NXPH2: variants seen among roughly 807,000 people sequenced by gnomAD.
The protein encoded by NXPH2 is neurexophilin 2.
Under a neutral mutation model 19.8 loss-of-function variants are expected in NXPH2, and 5 were observed. That is an observed-to-expected ratio of 0.25 (90% confidence interval 0.13 to 0.53). The LOEUF (loss-of-function observed/expected upper bound fraction) is 0.53. NXPH2 is among the 20% of genes least tolerant of loss of function. The pLI is 0.96. For missense variants in NXPH2, 289 were observed against 322.8 expected, an observed-to-expected ratio of 0.90 and a Z score of 0.80; for synonymous variants, 154 against 127.4, an observed-to-expected ratio of 1.21 and a Z score of -1.41.
chr2:138,757,104 A>G (rs1053914424), intron 1 of NXPH2, among the ~76,000 whole-genome samples: 1 of 152,350 alleles, frequency 6.6e-6, no homozygotes, highest in South Asian at 2.1e-4. Context: ...TAAGAATTGT[A>G]TTGAACACTT....
intron 1 of NXPH2, among the ~76,000 whole-genome samples, chr2:138,730,072 A>G (rs1458249137): frequency 1.3e-5 from 2 of 152,102 alleles, no homozygotes; most frequent in African/African-American, 4.8e-5. Context: ...CATTATGGTC[A>G]TCCCTTGGTC....
At chr2:138,773,378 T>C (rs1227994343) in intron 1 of NXPH2, among the ~76,000 whole-genome samples, 1 of 152,160 alleles carries the variant, frequency 6.6e-6, no homozygotes, top group Non-Finnish European at 1.5e-5. Flanking sequence ...ACTTCATTAA[T>C]ACATATTCCT....
chr2:138,766,219 G>T (rs1682089410), intron 1 of NXPH2, among the ~76,000 whole-genome samples: 1 of 152,326 alleles, frequency 6.6e-6, no homozygotes, highest in Middle Eastern at 3.4e-3. Flanking sequence ...TGAATTAGAA[G>T]AACTAAAATG....
chr2:138,731,795 A>T lies in NXPH2; in HGVS notation c.51+48396T>A, dbSNP rs140260315. Among the ~76,000 whole-genome samples, 410 of 152,092 alleles carry T rather than the reference A, an allele frequency of 2.7e-3. 1 individual carries two copies. Among genetic ancestry groups the T allele is most frequent in the African/African-American group, 9.3e-3 (386 of 41,496 alleles). On this transcript the variant is annotated intron_variant, in intron 1 of 1. Coordinates refer to ENST00000272641, the MANE Select transcript of NXPH2 (RefSeq NM_007226.3). ...GCCATTGGACCAGCACAAGCAGGAG[A>T]CAGTAGAACGGCCCTAATCAAGTCC...
At chr2:138,756,985 T>A (rs1681919155) in intron 1 of NXPH2, among the ~76,000 whole-genome samples, 3 of 152,200 alleles carry the variant, frequency 2.0e-5, no homozygotes, top group African/African-American at 7.2e-5. Context: ...TTTGTGGAAA[T>A]GTGACCATCT....
At chr2:138,779,032 A>G (rs926534647) in intron 1 of NXPH2, among the ~76,000 whole-genome samples, 2 of 152,212 alleles carry the variant, frequency 1.3e-5, no homozygotes, top group Non-Finnish European at 2.9e-5. Context: ...CCTCTGCCTT[A>G]ACAATATCAT....
At chr2:138,700,232 C>G (rs1357028951) in intron 1 of NXPH2, among the ~76,000 whole-genome samples, 2 of 152,260 alleles carry the variant, frequency 1.3e-5, no homozygotes, top group African/African-American at 4.8e-5. Context: ...AGCATTCAAA[C>G]CATTTTTAAC....
intron 1 of NXPH2, among the ~76,000 whole-genome samples, chr2:138,697,495 A>C (rs935522908): frequency 6.6e-6 from 1 of 152,104 alleles, no homozygotes; most frequent in African/African-American, 2.4e-5. Flanking sequence ...ATGTAAGTAA[A>C]GACTACTTAA....
intron 1 of NXPH2, among the ~76,000 whole-genome samples, chr2:138,730,143 C>T (rs1024253340): frequency 6.6e-6 from 1 of 152,100 alleles, no homozygotes; most frequent in African/African-American, 2.4e-5. Flanking sequence ...TGGACTAGGG[C>T]CTGCCCATAT....
At chr2:138,675,428 A>G (rs1057177107) in intron 1 of NXPH2, among the ~76,000 whole-genome samples, 5 of 152,170 alleles carry the variant, frequency 3.3e-5, no homozygotes, top group African/African-American at 1.2e-4. Flanking sequence ...GCACTTTCAA[A>G]TACATGATAG....
intron 1 of NXPH2, among the ~76,000 whole-genome samples, chr2:138,722,562 G>C (rs1681298180): frequency 6.6e-6 from 1 of 152,190 alleles, no homozygotes; most frequent in Admixed American, 6.5e-5. Context: ...AGATCCCTAA[G>C]ACTGCAGTGT....
At chr2:138,744,409 A>G (rs1681693429) in intron 1 of NXPH2, among the ~76,000 whole-genome samples, 1 of 152,066 alleles carries the variant, frequency 6.6e-6, no homozygotes, top group Non-Finnish European at 1.5e-5. Flanking sequence ...ATGCATTGTT[A>G]TCTTTGGTTC....
intron 1 of NXPH2, among the ~76,000 whole-genome samples, chr2:138,744,379 G>A (rs73961531): frequency 0.032 from 4,807 of 152,122 alleles, 247 homozygotes; most frequent in African/African-American, 0.11. Flanking sequence ...TCCAGAGGGA[G>A]GGAATGAGAG....
At chr2:138,741,655 T>C (rs559425097) in intron 1 of NXPH2, among the ~76,000 whole-genome samples, 5 of 152,318 alleles carry the variant, frequency 3.3e-5, no homozygotes, top group East Asian at 1.9e-4. Context: ...AAATAATGTA[T>C]ATTAAAGCAG....
chr2:138,780,288 C>T lies in NXPH2; in HGVS notation c.-47G>A. The T allele has an allele frequency of 7.2e-7, 1 of 1,391,086 alleles. No individual in the cohort carries two copies. Among genetic ancestry groups the T allele is most frequent in the Non-Finnish European group, 9.3e-7 (1 of 1,078,964 alleles). The allele number at this position is 1,391,086 out of a possible 1,614,324, so 86.2% of individuals were successfully genotyped here. A position where few individuals can be genotyped will look rare whatever the true frequency, so the allele number is the denominator to read the frequency against. On this transcript the variant is annotated 5_prime_UTR_variant, in exon 1 of 2. Coordinates refer to ENST00000272641, the MANE Select transcript of NXPH2 (RefSeq NM_007226.3). ...TCACGAGCTGCGCGCCCTCGCCTGCCTCTCGCGCATCTCCACTTCGCGGGG... is the reference window on the plus strand; with the variant it reads ...TCACGAGCTGCGCGCCCTCGCCTGCTTCTCGCGCATCTCCACTTCGCGGGG...
chr2:138,685,515 T>C (rs971707070), intron 1 of NXPH2, among the ~76,000 whole-genome samples: 1 of 152,238 alleles, frequency 6.6e-6, no homozygotes, highest in Non-Finnish European at 1.5e-5. Flanking sequence ...GAAGATATCA[T>C]AAATTGAAAA....
rs1481235952 is a variant in NXPH2 at position 138,669,884 on chromosome 2, A to G, written c.*1038T>C. Among the ~76,000 whole-genome samples, 1 of 152,212 alleles carries G rather than the reference A, an allele frequency of 6.6e-6. No individual in the cohort carries two copies. Among genetic ancestry groups the G allele is most frequent in the African/African-American group, 2.4e-5 (1 of 41,448 alleles). On this transcript the variant is annotated 3_prime_UTR_variant, in exon 2 of 2. Coordinates refer to ENST00000272641, the MANE Select transcript of NXPH2 (RefSeq NM_007226.3). Reference sequence around the variant, plus strand: ...TAGAAATGTTTAAATATAACTCTCTATTTCCACATAGAGTTTGATCTCTTA... The same window carrying G: ...TAGAAATGTTTAAATATAACTCTCTGTTTCCACATAGAGTTTGATCTCTTA...
intron 1 of NXPH2, among the ~76,000 whole-genome samples, chr2:138,680,626 G>T (rs574265145): frequency 6.6e-6 from 1 of 151,780 alleles, no homozygotes; most frequent in South Asian, 2.1e-4. Flanking sequence ...TATACATCTC[G>T]GTATATCAGA....
At chr2:138,721,333 C>A (rs1681276098) in intron 1 of NXPH2, among the ~76,000 whole-genome samples, 1 of 151,272 alleles carries the variant, frequency 6.6e-6, no homozygotes, top group East Asian at 1.9e-4. Flanking sequence ...GAGCAAGACT[C>A]CGTCTGAAAA....
Sources: gnomAD v4.1 joint callset for allele counts (sites outside exome capture counted in the v4.1 genomes callset) on GRCh38, gnomAD v4.1.1 for gene constraint, MANE v1.5 for transcripts, NCBI Gene and HGNC (gene_info 2026-07-23, HGNC 2026-07-21) for gene names.